The following PTCHD4 variants were observed in gnomAD, a reference collection of about 807,000 sequenced individuals.
PTCHD4 encodes the protein patched domain containing 4.
Under a neutral mutation model 58.1 loss-of-function variants are expected in PTCHD4, and 33 were observed. That is an observed-to-expected ratio of 0.57 (90% CI 0.43 to 0.76). The LOEUF (loss-of-function observed/expected upper bound fraction) is 0.76. PTCHD4 is among the 30% of genes least tolerant of loss of function. PTCHD4 has a pLI of 0.00. For synonymous variants in PTCHD4, 478 were observed against 409.6 expected (o/e 1.17, Z -2.02); for missense variants, 1,058 against 1,027.1 (o/e 1.03, Z -0.41).
chr6:47,884,834 G>C (rs1459846114), intron 4 of PTCHD4, among the ~76,000 whole-genome samples: 2 of 152,210 alleles, frequency 1.3e-5, no homozygotes, highest in Admixed American at 6.5e-5. Context: ...AGCTTCAAAA[G>C]GTTTAGGCAG....
At chr6:47,894,398 A>G (rs1764468444) in intron 4 of PTCHD4, among the ~76,000 whole-genome samples, 1 of 152,230 alleles carries the variant, frequency 6.6e-6, no homozygotes, top group Non-Finnish European at 1.5e-5. Context: ...CTGGAGCACC[A>G]GCTCTGGTTT....
rs1305732480 is a variant in PTCHD4, at chr6:47,877,235, T to C, written c.*1068A>G. Among the ~76,000 whole-genome samples, 1 of 152,020 alleles carries C rather than the reference T, an allele frequency of 6.6e-6. No homozygotes were observed. Among genetic ancestry groups the C allele is most frequent in the Non-Finnish European group, 1.5e-5 (1 of 67,970 alleles). Reference sequence around the variant, plus strand: ...TCCTATGTTAATTATCTATATTCCATGACAGTTATTTTCCCTATCTAAAAT... The same window carrying C: ...TCCTATGTTAATTATCTATATTCCACGACAGTTATTTTCCCTATCTAAAAT... On this transcript the variant is annotated 3_prime_UTR_variant, in exon 5 of 5. Coordinates refer to ENST00000339488, the MANE Select transcript of PTCHD4 (RefSeq NM_001384253.1).
chr6:47,925,285 G>A (rs772219892), intron 4 of PTCHD4, among the ~76,000 whole-genome samples: 2 of 151,458 alleles, frequency 1.3e-5, no homozygotes, highest in Non-Finnish European at 2.9e-5. Context: ...TTTGTTTTTG[G>A]TTTATTGCTA....
chr6:47,911,480 T>C (rs944905350), intron 4 of PTCHD4, among the ~76,000 whole-genome samples: 1 of 152,144 alleles, frequency 6.6e-6, no homozygotes, highest in Non-Finnish European at 1.5e-5. Flanking sequence ...AAGTCTTCTT[T>C]TGAGTCACCT....
At chr6:48,020,575 T>A (rs2180740) in intron 3 of PTCHD4, among the ~76,000 whole-genome samples, 1 of 151,838 alleles carries the variant, frequency 6.6e-6, no homozygotes, top group Non-Finnish European at 1.5e-5. Flanking sequence ...TCTGGGAAAG[T>A]GCATTGCTAT....
At chr6:47,931,661 A>G (rs1765826060) in intron 4 of PTCHD4, among the ~76,000 whole-genome samples, 1 of 152,226 alleles carries the variant, frequency 6.6e-6, no homozygotes, top group Non-Finnish European at 1.5e-5. Context: ...AAAAATAAAT[A>G]TGAAGAAGCA....
intron 4 of PTCHD4, among the ~76,000 whole-genome samples, chr6:47,985,522 AT>A (rs1211961520): frequency 6.6e-6 from 1 of 152,134 alleles, no homozygotes; most frequent in Non-Finnish European, 1.5e-5. Flanking sequence ...AGAACAATTT[AT>A]GATATAACTA....
intron 3 of PTCHD4, among the ~76,000 whole-genome samples, chr6:48,043,433 G>A (rs1357652479): frequency 6.6e-6 from 1 of 151,644 alleles, no homozygotes; most frequent in East Asian, 1.9e-4. Flanking sequence ...GCGTTTTTTT[G>A]ACTTTCAAAA....
chr6:47,874,738 C>T lies in PTCHD4; in HGVS notation c.*3565G>A, dbSNP rs1450349270. Among the ~76,000 whole-genome samples the T allele has an allele frequency of 1.2e-5, 1 of 84,760 alleles. No individual in the cohort carries two copies. The highest frequency in any genetic ancestry group is 2.7e-5 in the Non-Finnish European group (1 of 36,750). The allele number at this position is 84,760 out of a possible 152,430, so 55.6% of individuals were successfully genotyped here. On this transcript the variant is annotated 3_prime_UTR_variant, in exon 5 of 5. Transcript: ENST00000339488. Reference sequence around the variant, plus strand: ...GAATCAAATAGGAAAGGGCCACTTACATGATACAACAACAGAGGAGAATAG... The same window carrying T: ...GAATCAAATAGGAAAGGGCCACTTATATGATACAACAACAGAGGAGAATAG...
At chr6:48,060,847 A>G (rs1764602999) in intron 3 of PTCHD4, among the ~76,000 whole-genome samples, 1 of 152,230 alleles carries the variant, frequency 6.6e-6, no homozygotes, top group Non-Finnish European at 1.5e-5. Flanking sequence ...GGGGAGCTCC[A>G]GAAGAGAACC....
In PTCHD4 at chr6:47,867,016, GA is replaced by G. The variant is rs1246032485; in HGVS notation, c.*11286del. Among the ~76,000 whole-genome samples the G allele has an allele frequency of 6.6e-6, 1 of 151,720 alleles. No individual in the cohort carries two copies. Among genetic ancestry groups the G allele is most frequent in the Non-Finnish European group, 1.5e-5 (1 of 67,836 alleles). On this transcript the variant is annotated 3_prime_UTR_variant, in exon 5 of 5. Coordinates refer to ENST00000339488, the MANE Select transcript of PTCHD4 (RefSeq NM_001384253.1). ...TCATACTGATTTATGATGAAAAGAT[GA>G]TATATTTTACCATAGGGACATAGTA...
chr6:47,926,817 G>T (rs1765638015), intron 4 of PTCHD4, among the ~76,000 whole-genome samples: 1 of 152,190 alleles, frequency 6.6e-6, no homozygotes, highest in Non-Finnish European at 1.5e-5. Flanking sequence ...TAGATGTGAG[G>T]ATTAAAGGTT....
At position 47,960,585 on chromosome 6, in the gene PTCHD4, A is replaced by G. The variant is rs186661342; in HGVS notation, c.898+48049T>C. 2.0e-3 allele frequency among the ~76,000 whole-genome samples: 305 copies of G among 152,244 alleles called. 2 individuals are homozygous for G. Among genetic ancestry groups the G allele is most frequent in the Non-Finnish European group, 2.8e-3 (191 of 67,974 alleles). ...TTAATACTGAATAAAGTAAGTTTCA[A>G]TGTAAAGAATACCACCAGGAATAAT... On this transcript the variant is annotated intron_variant, in intron 4 of 4. Coordinates refer to ENST00000339488, the MANE Select transcript of PTCHD4 (RefSeq NM_001384253.1).
chr6:47,882,560 T>A (rs1297809415), intron 4 of PTCHD4, among the ~76,000 whole-genome samples: 1 of 151,802 alleles, frequency 6.6e-6, no homozygotes, highest in Non-Finnish European at 1.5e-5. Context: ...TCAAGGTAAC[T>A]CTTTCACTGC....
At chr6:47,884,540 T>C (rs1334186767) in intron 4 of PTCHD4, among the ~76,000 whole-genome samples, 1 of 152,156 alleles carries the variant, frequency 6.6e-6, no homozygotes, top group Non-Finnish European at 1.5e-5. Context: ...GATGCATGGA[T>C]CACATATAAA....
intron 1 of PTCHD4, among the ~76,000 whole-genome samples, chr6:48,107,490 A>G (rs1273570997): frequency 3.9e-5 from 6 of 152,220 alleles, no homozygotes; most frequent in Admixed American, 3.9e-4. Context: ...CTAAAACCAT[A>G]AAAACCCTAG....
intron 4 of PTCHD4, among the ~76,000 whole-genome samples, chr6:47,973,267 T>C (rs1767580943): frequency 6.6e-6 from 1 of 152,232 alleles, no homozygotes; most frequent in Non-Finnish European, 1.5e-5. Flanking sequence ...AGAAGAATTA[T>C]TGTGAAATGC....
rs185624575 is a variant in PTCHD4 at position 47,997,828 on chromosome 6, G to A, written c.898+10806C>T. ...GTTCCTCAATTCTTGGAAGCCTAAGGTTGGCCTCTGGGACCATCAAATAAA... is the reference window on the plus strand; with the variant it reads ...GTTCCTCAATTCTTGGAAGCCTAAGATTGGCCTCTGGGACCATCAAATAAA... On this transcript the variant is annotated intron_variant, in intron 4 of 4. Transcript: ENST00000339488. Among the ~76,000 whole-genome samples, 453 of 152,284 alleles carry A rather than the reference G, an allele frequency of 3.0e-3. 2 individuals carry two copies. Among genetic ancestry groups the A allele is most frequent in the Non-Finnish European group, 4.2e-3 (289 of 68,026 alleles).
chr6:48,013,760 G>A (rs909369946), intron 3 of PTCHD4, among the ~76,000 whole-genome samples: 1 of 152,062 alleles, frequency 6.6e-6, no homozygotes, highest in Non-Finnish European at 1.5e-5. Context: ...TTTTTAAAAA[G>A]CATTATCTAT....
Sources: gnomAD v4.1 joint callset for allele counts (sites outside exome capture counted in the v4.1 genomes callset) on GRCh38, gnomAD v4.1.1 for gene constraint, MANE v1.5 for transcripts, NCBI Gene and HGNC (gene_info 2026-07-23, HGNC 2026-07-21) for gene names.